The following ANKRD40 variants were observed in gnomAD, a reference collection of about 807,000 sequenced individuals.
ANKRD40 encodes the protein ankyrin repeat domain 40, also known as ankyrin repeat domain-containing protein 40.
ANKRD40 carries 24 observed loss-of-function variants against 35.5 expected under a neutral mutation model. The observed-to-expected ratio is 0.68, with a 90% CI of 0.49 to 0.95. The LOEUF (loss-of-function observed/expected upper bound fraction) is 0.95. Ranked by LOEUF, ANKRD40 falls within the 40% of genes least tolerant of loss-of-function variation. The pLI is 0.00. For synonymous variants in ANKRD40, 147 were observed against 173.5 expected (o/e 0.85, Z 1.20); for missense variants, 361 against 436.0 (o/e 0.83, Z 1.53).
At chr17:50,704,776 C>T (rs962723162) in intron 1 of ANKRD40, among the ~76,000 whole-genome samples, 1 of 152,032 alleles carries the variant, frequency 6.6e-6, no homozygotes, top group African/African-American at 2.4e-5. Context: ...TAACTATGTC[C>T]CCAGGTAGTT....
At chr17:50,702,442 G>T (rs146545510) in intron 1 of ANKRD40, among the ~76,000 whole-genome samples, 1 of 152,126 alleles carries the variant, frequency 6.6e-6, no homozygotes, top group Non-Finnish European at 1.5e-5. Flanking sequence ...AGGATAAAGT[G>T]GACCTTGCTT....
At chr17:50,697,781 GT>G (rs1258363811) in intron 3 of ANKRD40, among the ~76,000 whole-genome samples, 1 of 152,174 alleles carries the variant, frequency 6.6e-6, no homozygotes, top group Non-Finnish European at 1.5e-5. Context: ...ACATTTGGCA[GT>G]TCTGCTTTGT....
chr17:50,700,739 T>A (rs1466878016), intron 1 of ANKRD40, 23 bp from the exon 2 acceptor site: 1 of 1,591,994 alleles, frequency 6.3e-7, no homozygotes, highest in African/African-American at 1.4e-5. Flanking sequence ...AAATAATGAT[T>A]GAAAAAGAGG....
chr17:50,706,573 A>G (rs1353486082), intron 1 of ANKRD40, among the ~76,000 whole-genome samples: 3 of 152,016 alleles, frequency 2.0e-5, no homozygotes, highest in African/African-American at 7.3e-5. Context: ...GCAGACATCT[A>G]AAGTCTTGGG....
At position 50,699,774 on chromosome 17, in the gene ANKRD40, G is replaced by C; in HGVS notation, c.403C>G (p.Pro135Ala). The C allele has an allele frequency of 1.9e-6, 3 of 1,604,890 alleles. No homozygotes were observed. The highest frequency in any genetic ancestry group is 2.2e-5 in the East Asian group (1 of 44,710). The change falls in exon 3 of 5, where the codon CCC (proline) becomes GCC (alanine). Residue 135 changes from proline (P) to alanine (A), a missense_variant. Around this residue, in one of 5 missense-constraint regions of ANKRD40, gnomAD observed 172 missense variants for 174.0 expected, o/e 0.99. Coordinates refer to ENST00000285243, the MANE Select transcript of ANKRD40 (RefSeq NM_052855.4). ...ANPAFPFIYT[P>A]TAEDSAQMQN... The stretch of plus-strand genomic sequence containing the variant: ...ATCTGGGCTGAATCCTCTGCTGTGG[G>C]TGTATAGATAAAAGGGAAGGCTGGG...
chr17:50,703,777 TGA>T (rs1968297090), intron 1 of ANKRD40, among the ~76,000 whole-genome samples: 1 of 151,850 alleles, frequency 6.6e-6, no homozygotes, highest in Non-Finnish European at 1.5e-5. Context: ...TTTTACTGAG[TGA>T]GATAGGAGCC....
At position 50,707,823 on chromosome 17, in the gene ANKRD40, T is replaced by A; in HGVS notation, c.-169A>T. ...CGCCCGCCCCGGGACTTCCGCTCCC[T>A]CCCGCGGGCCGCCCCTGCTGCTCCC... On this transcript the variant is annotated 5_prime_UTR_variant, in exon 1 of 5. Transcript: ENST00000285243. The surrounding 1 kb of genome is among the most constrained non-coding windows in gnomAD (Gnocchi z 4.8). The A allele has an allele frequency of 3.6e-6, 1 of 276,368 alleles. No homozygotes were observed. The highest frequency in any genetic ancestry group is 5.6e-6 in the Non-Finnish European group (1 of 178,436). The allele number at this position is 276,368 out of a possible 1,614,324, so 17.1% of individuals were successfully genotyped here.
Position 50,699,855 on chromosome 17 carries a change from GGTT to G in ANKRD40, c.319_321del (p.Asn107del). On this transcript the variant is annotated inframe_deletion, in exon 3 of 5. Coordinates refer to ENST00000285243, the MANE Select transcript of ANKRD40 (RefSeq NM_052855.4). ...TCTGACTCCTTCTTCAGCTGGGGGA[GGTT>G]GTCATCATCATCATCATCATCATCT... The G allele has an allele frequency of 6.6e-7, 1 of 1,516,976 alleles. No individual in the cohort carries two copies. The highest frequency in any genetic ancestry group is 1.8e-4 in the Middle Eastern group (1 of 5,610). The allele number at this position is 1,516,976 out of a possible 1,614,324, so 94.0% of individuals were successfully genotyped here.
intron 3 of ANKRD40, among the ~76,000 whole-genome samples, chr17:50,698,777 A>G (rs1372619205): frequency 6.6e-6 from 1 of 152,122 alleles, no homozygotes; most frequent in African/African-American, 2.4e-5. Flanking sequence ...AACATGGTCT[A>G]TGGATTACAG....
rs530122430 is a variant in ANKRD40, at chr17:50,695,905, C to T, written c.*92G>A. The T allele has an allele frequency of 6.5e-5, 96 of 1,470,908 alleles. No individual in the cohort carries two copies. The Middle Eastern group carries it at 8.9e-4, about 14-fold the overall frequency. 91.1% of individuals were successfully genotyped at this position (1,470,908 alleles called of 1,614,324 possible). A position where few individuals can be genotyped will look rare whatever the true frequency, so the allele number is the denominator to read the frequency against. ...TATGCAGTGGCACCAGAGGCCCTCC[C>T]GGGCATCTGAGGCATTTAGATCAAT... On this transcript the variant is annotated 3_prime_UTR_variant, in exon 5 of 5. Coordinates refer to ENST00000285243, the MANE Select transcript of ANKRD40 (RefSeq NM_052855.4).
At chr17:50,696,255 A>G in intron 4 of ANKRD40, 112 bp from the exon 5 acceptor site, 2 of 1,258,680 alleles carry the variant, frequency 1.6e-6, no homozygotes, top group Non-Finnish European at 2.2e-6. Context: ...AAGAAAAAAA[A>G]AAATCCCTGT....
In ANKRD40 at chr17:50,700,630, G is replaced by T; in HGVS notation, c.221C>A (p.Thr74Asn). The change falls in exon 2 of 5, where the codon ACC becomes AAC. Residue 74 changes from threonine (T) to asparagine (N), a missense_variant. Around this residue, in one of 5 missense-constraint regions of ANKRD40, gnomAD observed 35 missense variants for 68.4 expected, o/e 0.51. Transcript: ENST00000285243. ...CTGGACTGGCATTTCTCCTTTTGTG[G>T]TAAGAATTTCTTTGTCAGCTCCTGA... ...LKSGADKEIL[T>N]TKGEMPVQLT... The T allele has an allele frequency of 6.2e-7, 1 of 1,613,954 alleles. No homozygotes were observed. The highest frequency in any genetic ancestry group is 8.5e-7 in the Non-Finnish European group (1 of 1,179,992).
chr17:50,705,887 C>T (rs999798166), intron 1 of ANKRD40, among the ~76,000 whole-genome samples: 26 of 151,396 alleles, frequency 1.7e-4, no homozygotes, highest in African/African-American at 6.3e-4. Context: ...TCTCGAACTC[C>T]TGACATCGTG....
chr17:50,698,605 T>C (rs1260886216), intron 3 of ANKRD40, among the ~76,000 whole-genome samples: 1 of 152,136 alleles, frequency 6.6e-6, no homozygotes, highest in Non-Finnish European at 1.5e-5. Flanking sequence ...GATAACTACA[T>C]GCAACATATG....
Position 50,706,502 on chromosome 17 carries a change from G to C in ANKRD40, c.134+1019C>G, listed in dbSNP as rs561465986. On this transcript the variant is annotated intron_variant, in intron 1 of 4. Coordinates refer to ENST00000285243, the MANE Select transcript of ANKRD40 (RefSeq NM_052855.4). ...GCCACATTCAGTAACTTTCTGTTTT[G>C]ACCACCAGCAACATCTTAAGATGAG... is the stretch of plus-strand genomic sequence containing the variant. Among the ~76,000 whole-genome samples the C allele has an allele frequency of 3.3e-5, 5 of 152,128 alleles. No homozygotes were observed. In the South Asian group the frequency reaches 1.0e-3, roughly 32 times the overall value.
At chr17:50,699,250 A>C in intron 3 of ANKRD40, 149 bp downstream of exon 3, 1 of 1,090,504 alleles carries the variant, frequency 9.2e-7, no homozygotes, top group Non-Finnish European at 1.3e-6. Flanking sequence ...AAAGGTAAAC[A>C]ATTTGTGAAT....
Position 50,699,882 on chromosome 17 carries a change from C to A in ANKRD40, c.295G>T (p.Asp99Tyr), listed in dbSNP as rs772164531. ...TTGTCATCATCATCATCATCATCATCTTCTTCTTCCACTTAAAAAGAAGAA... is the reference window on the plus strand; with the variant it reads ...TTGTCATCATCATCATCATCATCATATTCTTCTTCCACTTAAAAAGAAGAA... ...IRKIMGVEEE[D>Y]DDDDDDDNLP... Residue 99 changes from aspartate to tyrosine, a missense_variant, in exon 3 of 5, where the codon GAT (aspartate) becomes TAT (tyrosine). Coordinates refer to ENST00000285243, the MANE Select transcript of ANKRD40 (RefSeq NM_052855.4). The A allele has an allele frequency of 6.6e-7, 1 of 1,506,108 alleles. No homozygotes were observed. The highest frequency in any genetic ancestry group is 2.3e-5 in the Admixed American group (1 of 43,742). 93.3% of individuals were successfully genotyped at this position (1,506,108 alleles called of 1,614,324 possible).
chr17:50,700,613 G>A lies in ANKRD40; in HGVS notation c.238C>T (p.Pro80Ser). Residue 80 changes from proline to serine, a missense_variant, in exon 2 of 5, where the codon CCA (proline) becomes TCA (serine). By Grantham distance (74) the Pro-to-Ser change is moderately conservative. Coordinates refer to ENST00000285243, the MANE Select transcript of ANKRD40 (RefSeq NM_052855.4). ...KEILTTKGEM[P>S]VQLTSRREIR... Reference sequence around the variant, plus strand: ...TCTCTCCTTGATGTTAACTGGACTGGCATTTCTCCTTTTGTGGTAAGAATT... The same window carrying A: ...TCTCTCCTTGATGTTAACTGGACTGACATTTCTCCTTTTGTGGTAAGAATT... 6.2e-7 allele frequency: 1 copy of A among 1,614,020 alleles called. No homozygotes were observed. Among genetic ancestry groups the A allele is most frequent in the Non-Finnish European group, 8.5e-7 (1 of 1,179,998 alleles).
rs776038148 is a variant in ANKRD40 at position 50,696,091 on chromosome 17, A to T, written c.1013T>A (p.Met338Lys). 1 of 1,614,200 alleles carries T rather than the reference A, an allele frequency of 6.2e-7. No homozygotes were observed. The change falls in exon 5 of 5, where the codon ATG becomes AAG. Residue 338 changes from methionine to lysine, a missense_variant. Transcript: ENST00000285243. Reference protein sequence around the residue: ...QDFQELELVLMISENNFLFRN... With the variant: ...QDFQELELVLKISENNFLFRN... ...GAACAGAAAATTATTTTCACTTATC[A>T]TCAGAACCAGTTCCAGCTCCTGGAA...
Sources: allele counts gnomAD v4.1 joint callset (sites outside exome capture counted in the v4.1 genomes callset), GRCh38; gene constraint gnomAD v4.1.1; regional missense constraint gnomAD v4.1.1; non-coding constraint Gnocchi (gnomAD v3.1); transcripts MANE v1.5; gene names NCBI Gene and HGNC (gene_info 2026-07-23, HGNC 2026-07-21).